The following SNX29 variants were observed in gnomAD, a reference collection of about 807,000 sequenced individuals.
The protein encoded by SNX29 is sorting nexin 29.
Under a neutral mutation model 102.1 loss-of-function variants are expected in SNX29, and 78 were observed. That is an observed-to-expected ratio of 0.76 (90% CI 0.64 to 0.92). The LOEUF (loss-of-function observed/expected upper bound fraction) is 0.92. SNX29 is among the 40% of genes least tolerant of loss of function. SNX29 has a pLI of 0.00. For synonymous variants in SNX29, 580 were observed against 414.5 expected (o/e 1.40, Z -4.85); for missense variants, 1,280 against 1,061.7 (o/e 1.21, Z -2.86).
intron 14 of SNX29, among the ~76,000 whole-genome samples, chr16:12,206,868 G>GAGT (rs1265844630): frequency 6.7e-6 from 1 of 149,500 alleles, no homozygotes; most frequent in Non-Finnish European, 1.5e-5. Flanking sequence ...GTGCAGGTTG[G>GAGT]AGTACAGCGT....
At chr16:12,538,652 C>CAA (rs1014208147) in intron 20 of SNX29, among the ~76,000 whole-genome samples, 4 of 152,120 alleles carry the variant, frequency 2.6e-5, no homozygotes, top group African/African-American at 9.7e-5. Context: ...GGCTGTGAAA[C>CAA]AGAAAGATCC....
At chr16:12,259,682 A>G (rs2078676551) in intron 14 of SNX29, among the ~76,000 whole-genome samples, 1 of 152,220 alleles carries the variant, frequency 6.6e-6, no homozygotes, top group Admixed American at 6.5e-5. Context: ...ACTGTAAGGT[A>G]CATCAAAATC....
intron 15 of SNX29, among the ~76,000 whole-genome samples, chr16:12,300,317 CAG>C (rs2080127288): frequency 6.6e-6 from 1 of 152,190 alleles, no homozygotes; most frequent in Admixed American, 6.5e-5. Context: ...CCAACCAAGG[CAG>C]AGTTGATCAC....
chr16:12,533,219 G>C (rs2076978968), intron 20 of SNX29, among the ~76,000 whole-genome samples: 1 of 152,246 alleles, frequency 6.6e-6, no homozygotes, highest in Admixed American at 6.5e-5. Context: ...AGGACACTTT[G>C]CTGCTGTTTT....
chr16:12,477,739 C>G lies in SNX29; in HGVS notation c.2058C>G (p.Asp686Glu). The change falls in exon 19 of 21, where the codon GAC (aspartate) becomes GAG (glutamate). Residue 686 changes from aspartate (D) to glutamate (E), a missense_variant. Transcript: ENST00000566228. ...GACAGGTCTACATCCGGATAAAAGA[C>G]GATGAATGGAATATTTATCGCCGGT... ...HVYQVYIRIK[D>E]DEWNIYRRYT... The G allele has an allele frequency of 6.2e-7, 1 of 1,611,920 alleles. No homozygotes were observed. The highest frequency in any genetic ancestry group is 1.7e-5 in the Admixed American group (1 of 59,228).
At chr16:12,176,096 A>C (rs139893604) in intron 13 of SNX29, among the ~76,000 whole-genome samples, 170 of 152,310 alleles carry the variant, frequency 1.1e-3, no homozygotes, top group African/African-American at 3.9e-3. Flanking sequence ...TGGGGGGAAA[A>C]GGCAGCCATC....
At chr16:12,244,575 A>G (rs757873411) in intron 14 of SNX29, among the ~76,000 whole-genome samples, 26 of 151,590 alleles carry the variant, frequency 1.7e-4, no homozygotes, top group Admixed American at 6.6e-4. Flanking sequence ...ATGCCATTGC[A>G]CTCCAGCCTA....
At chr16:12,026,597 T>C (rs1233671914) in intron 3 of SNX29, among the ~76,000 whole-genome samples, 2 of 152,218 alleles carry the variant, frequency 1.3e-5, no homozygotes, top group South Asian at 2.1e-4. Flanking sequence ...TCCTATTTCT[T>C]TGGTTATTGA....
At position 12,404,792 on chromosome 16, in the gene SNX29, T is replaced by G. The variant is rs183124023; in HGVS notation, c.2037+1263T>G. The stretch of plus-strand genomic sequence containing the variant: ...CAGTAATCTATCTTGTAAAACTGTT[T>G]TGAGATTAGAAATACCTGGCCTGCA... On this transcript the variant is annotated intron_variant, in intron 18 of 20. Transcript: ENST00000566228. Among the ~76,000 whole-genome samples the G allele has an allele frequency of 7.2e-5, 11 of 152,300 alleles. No homozygotes were observed. In the South Asian group the frequency reaches 1.0e-3, roughly 14 times the overall value.
At chr16:11,982,381 G>A (rs1488742604) in intron 1 of SNX29, among the ~76,000 whole-genome samples, 1 of 149,130 alleles carries the variant, frequency 6.7e-6, no homozygotes, top group African/African-American at 2.5e-5. Flanking sequence ...TTTGTCTTTT[G>A]TAAGTCTTCA....
At chr16:12,266,359 G>T (rs1419597291) in intron 14 of SNX29, among the ~76,000 whole-genome samples, 2 of 152,140 alleles carry the variant, frequency 1.3e-5, no homozygotes, top group South Asian at 4.1e-4. Context: ...CTGACAGGAC[G>T]TCATAGGGTA....
intron 19 of SNX29, among the ~76,000 whole-genome samples, chr16:12,484,912 C>G (rs1028642408): frequency 6.6e-6 from 1 of 152,200 alleles, no homozygotes; most frequent in African/African-American, 2.4e-5. Flanking sequence ...AGCTCATGAA[C>G]CAGGACTGGA....
intron 18 of SNX29, among the ~76,000 whole-genome samples, chr16:12,429,179 C>A (rs1356651751): frequency 1.3e-5 from 2 of 152,204 alleles, no homozygotes; most frequent in African/African-American, 4.8e-5. Flanking sequence ...CCTAGTTAGT[C>A]CCACCACACA....
chr16:12,433,717 C>T (rs925502242), intron 18 of SNX29, among the ~76,000 whole-genome samples: 30 of 150,222 alleles, frequency 2.0e-4, no homozygotes, highest in Middle Eastern at 7.1e-3. Flanking sequence ...CCAGGTACTT[C>T]GGAGGCTGAG....
At chr16:12,210,513 G>A (rs922220986) in intron 14 of SNX29, among the ~76,000 whole-genome samples, 25 of 151,206 alleles carry the variant, frequency 1.7e-4, no homozygotes, top group African/African-American at 5.8e-4. Flanking sequence ...AGTCTTGCCT[G>A]AGAATGGAGT....
intron 11 of SNX29, among the ~76,000 whole-genome samples, chr16:12,116,093 G>A (rs1369318401): frequency 6.6e-6 from 1 of 152,206 alleles, no homozygotes; most frequent in African/African-American, 2.4e-5. Flanking sequence ...TCCTGTAAGT[G>A]CAATATAGTG....
At chr16:12,089,656 G>C (rs2052404881) in intron 11 of SNX29, 3 of 191,662 alleles carry the variant, frequency 1.6e-5, no homozygotes, top group African/African-American at 7.2e-5. Flanking sequence ...TGCCAGAAGT[G>C]AGGGGGAGAG....
intron 18 of SNX29, among the ~76,000 whole-genome samples, chr16:12,452,615 A>G (rs2086356241): frequency 7.6e-6 from 1 of 131,492 alleles, no homozygotes; most frequent in African/African-American, 3.0e-5. Context: ...TGCTCCAATC[A>G]TTTTCTCTCC....
rs869186902 is a variant in SNX29, at chr16:12,118,313, C to CTTTTT, written c.1403-8301_1403-8297dup. Reference sequence around the variant, plus strand: ...TGTAGATAGTAGATATACAGACCACCTTTTTTTTTTTTTTTTTTTTTTTAT... The same window carrying CTTTTT: ...TGTAGATAGTAGATATACAGACCACCTTTTTTTTTTTTTTTTTTTTTTTTTTTTAT... On this transcript the variant is annotated intron_variant, in intron 11 of 20. Coordinates refer to ENST00000566228, the MANE Select transcript of SNX29 (RefSeq NM_032167.5). 5.1e-3 allele frequency among the ~76,000 whole-genome samples: 443 copies of CTTTTT among 86,110 alleles called. 40 individuals are homozygous for CTTTTT. Among genetic ancestry groups the CTTTTT allele is most frequent in the Middle Eastern group, 0.021 (2 of 94 alleles). The allele number at this position is 86,110 out of a possible 152,430, so 56.5% of individuals were successfully genotyped here. A position where few individuals can be genotyped will look rare whatever the true frequency, so the allele number is the denominator to read the frequency against.
Sources: gnomAD v4.1 joint callset for allele counts (sites outside exome capture counted in the v4.1 genomes callset) on GRCh38, gnomAD v4.1.1 for gene constraint, MANE v1.5 for transcripts, NCBI Gene and HGNC (gene_info 2026-07-23, HGNC 2026-07-21) for gene names.